The following FGF13 variants were observed in gnomAD, a reference collection of about 807,000 sequenced individuals.
FGF13 encodes the protein fibroblast growth factor 13, also known as fibroblast growth factor homologous factor 2.
In FGF13, 2 loss-of-function variants were observed where a neutral mutation model predicts 19.5. The ratio of observed to expected loss-of-function variants is 0.10; its 90% confidence interval spans 0.04 to 0.32. The LOEUF (loss-of-function observed/expected upper bound fraction) is 0.32, where lower values mean the gene tolerates loss of function less well. FGF13 is among the 10% of genes least tolerant of loss of function. The probability of loss-of-function intolerance (pLI) is 1.00; values close to 1 mark genes in which losing one functional copy is unlikely to be tolerated. For synonymous variants in FGF13, 72 were observed against 76.9 expected (o/e 0.94, Z 0.33); for missense variants, 113 against 192.7 (o/e 0.59, Z 2.45).
intron 1 of FGF13, among the ~76,000 whole-genome samples, chrX:138,726,785 T>C (rs1407548878): frequency 8.9e-6 from 1 of 111,898 alleles, no homozygotes; most frequent in Admixed American, 9.5e-5. Flanking sequence ...CTTACACATG[T>C]ATTAATTAAC....
chrX:138,984,830 G>A (rs1325792943), intron 1 of FGF13, among the ~76,000 whole-genome samples: 1 of 69,299 alleles, frequency 1.4e-5, no homozygotes, highest in Non-Finnish European at 3.2e-5. Flanking sequence ...GTGTGTGTGT[G>A]TGTGTGTGTG....
At position 138,672,687 on chromosome X, in the gene FGF13, G is replaced by A. The variant is rs138287834; in HGVS notation, c.402+30297C>T. Among the ~76,000 whole-genome samples the A allele has an allele frequency of 9.7e-4, 109 of 112,019 alleles. 1 individual carries two copies. The highest frequency in any genetic ancestry group is 1.7e-3 in the Non-Finnish European group (89 of 53,200). On this transcript the variant is annotated intron_variant, in intron 3 of 4. Transcript: ENST00000315930. ...AACTTTAAATAAGAATGCCAGGCTGGAGAATTTGGGGAATCACCAGTATGT... is the reference window on the plus strand; with the variant it reads ...AACTTTAAATAAGAATGCCAGGCTGAAGAATTTGGGGAATCACCAGTATGT...
chrX:138,750,606 AT>A (rs763545831), intron 3 of FGF13, among the ~76,000 whole-genome samples: 634 of 107,116 alleles, frequency 5.9e-3, no homozygotes, highest in African/African-American at 0.014. Flanking sequence ...CCTACATACC[AT>A]TTTTTTTTTG....
chrX:138,714,676 CA>C (rs2090085508), upstream of FGF13: 1 of 111,737 alleles, frequency 8.9e-6, no homozygotes, highest in African/African-American at 3.3e-5. Flanking sequence ...CACACACACA[CA>C]AAGCAGATAT....
chrX:138,763,165 T>C (rs1330405923), intron 3 of FGF13, among the ~76,000 whole-genome samples: 1 of 110,318 alleles, frequency 9.1e-6, no homozygotes, highest in Non-Finnish European at 1.9e-5. Context: ...ATATTATATA[T>C]ACATATATAT....
rs73243308 is a variant in FGF13 at position 139,073,140 on chromosome X, C to T, written c.-113+130276G>A. ...CTAGTTTGGAGCTGTTTTTCCCCCCCCCCTTTTCTGTGTCTCACATTGCTC... is the reference window on the plus strand; with the variant it reads ...CTAGTTTGGAGCTGTTTTTCCCCCCTCCCTTTTCTGTGTCTCACATTGCTC... On this transcript the variant is annotated intron_variant, in intron 1 of 2. Coordinates refer to the FGF13 transcript ENST00000421460. 6.0e-4 allele frequency among the ~76,000 whole-genome samples: 63 copies of T among 104,799 alleles called. 2 individuals carry two copies. Among genetic ancestry groups the T allele is most frequent in the African/African-American group, 2.1e-3 (60 of 28,993 alleles). The allele number at this position is 104,799 out of a possible 115,157, so 91.0% of individuals were successfully genotyped here. A position where few individuals can be genotyped will look rare whatever the true frequency, so the allele number is the denominator to read the frequency against.
At chrX:138,674,635 A>C (rs1011166508) in intron 3 of FGF13, among the ~76,000 whole-genome samples, 2 of 111,016 alleles carry the variant, frequency 1.8e-5, no homozygotes, top group Admixed American at 1.9e-4. Context: ...TGTGGGGTCA[A>C]GAAATTTGAA....
chrX:139,101,465 T>C (rs980265403), intron 1 of FGF13, among the ~76,000 whole-genome samples: 11 of 112,696 alleles, frequency 9.8e-5, no homozygotes, highest in Non-Finnish European at 1.5e-4. Context: ...CTTGGTATTA[T>C]ATTTTTACGT....
intron 1 of FGF13, among the ~76,000 whole-genome samples, chrX:139,009,024 A>G (rs950512857): frequency 8.9e-6 from 1 of 112,027 alleles, no homozygotes; most frequent in Non-Finnish European, 1.9e-5. Context: ...ACTTCTGGTA[A>G]TCAAGGACAC....
chrX:139,035,589 C>T (rs901680842), intron 1 of FGF13, among the ~76,000 whole-genome samples: 7 of 111,404 alleles, frequency 6.3e-5, no homozygotes, highest in African/African-American at 2.0e-4. Flanking sequence ...TTTCCTTTCA[C>T]GGGTTCTTCT....
chrX:139,201,131 A>G (rs2084411987), intron 1 of FGF13, among the ~76,000 whole-genome samples: 1 of 112,024 alleles, frequency 8.9e-6, no homozygotes, highest in African/African-American at 3.2e-5. Flanking sequence ...CCCCTTTCCA[A>G]ACAGAACAGC....
At chrX:138,781,548 A>C (rs1436545350) in intron 3 of FGF13, among the ~76,000 whole-genome samples, 1 of 110,617 alleles carries the variant, frequency 9.0e-6, no homozygotes, top group African/African-American at 3.3e-5. Flanking sequence ...CCTCTACGCA[A>C]ATAAACTAGA....
chrX:139,178,111 C>G (rs908914605), intron 1 of FGF13, among the ~76,000 whole-genome samples: 4 of 112,244 alleles, frequency 3.6e-5, no homozygotes, highest in African/African-American at 1.3e-4. Flanking sequence ...CACCTGCCTT[C>G]TGCGTTGATC....
chrX:138,989,931 T>G (rs1396501047), intron 1 of FGF13, among the ~76,000 whole-genome samples: 1 of 111,450 alleles, frequency 9.0e-6, no homozygotes, highest in Non-Finnish European at 1.9e-5. Context: ...TAAGCTATAA[T>G]ATCCACTGCC....
At chrX:138,944,556 G>C (rs929995466) in intron 1 of FGF13, among the ~76,000 whole-genome samples, 2 of 110,710 alleles carry the variant, frequency 1.8e-5, no homozygotes, top group African/African-American at 3.3e-5. Flanking sequence ...AAGGTAATTT[G>C]TTTAGTAGGC....
chrX:138,975,212 CTCCTT>C (rs767790358), intron 1 of FGF13, among the ~76,000 whole-genome samples: 23 of 113,010 alleles, frequency 2.0e-4, no homozygotes, highest in African/African-American at 7.4e-4. Context: ...CATGCATTAT[CTCCTT>C]TGAGTTTCAC....
upstream of FGF13, among the ~76,000 whole-genome samples, chrX:138,742,355 G>C (rs1361460101): frequency 3.6e-5 from 4 of 112,238 alleles, no homozygotes; most frequent in African/African-American, 9.7e-5. Context: ...GTTTGCATTA[G>C]TTGACTCAGG....
intron 1 of FGF13, among the ~76,000 whole-genome samples, chrX:139,086,951 C>A (rs2083407833): frequency 8.9e-6 from 1 of 112,361 alleles, no homozygotes; most frequent in Non-Finnish European, 1.9e-5. Flanking sequence ...ACGTTGTTAT[C>A]ATAGTCATAG....
chrX:138,691,453 C>T (rs1273410116), intron 3 of FGF13, among the ~76,000 whole-genome samples: 11 of 111,599 alleles, frequency 9.9e-5, no homozygotes, highest in Non-Finnish European at 3.8e-5. Context: ...AAGTTTTTAC[C>T]TTTTCGAATT....
Sources: allele counts gnomAD v4.1 joint callset (sites outside exome capture counted in the v4.1 genomes callset), GRCh38; gene constraint gnomAD v4.1.1; transcripts MANE v1.5; gene names NCBI Gene and HGNC (gene_info 2026-07-23, HGNC 2026-07-21).